CTNNA2: variants seen among roughly 807,000 people sequenced by gnomAD.
The protein encoded by CTNNA2 is catenin alpha-2.
Under a neutral mutation model 101.0 loss-of-function variants are expected in CTNNA2, and 42 were observed. The observed-to-expected ratio is 0.42, with a 90% CI of 0.32 to 0.54. The LOEUF is 0.54. CTNNA2 is among the 20% of genes least tolerant of loss of function. CTNNA2 has a pLI of 0.14. For missense variants in CTNNA2, 871 were observed against 1,223.1 expected (o/e 0.71, Z 4.29); for synonymous variants, 450 against 456.4 (o/e 0.99, Z 0.18).
chr2:80,284,520 G>A (rs1402390532), intron 7 of CTNNA2, among the ~76,000 whole-genome samples: 1 of 152,056 alleles, frequency 6.6e-6, no homozygotes, highest in Non-Finnish European at 1.5e-5. Context: ...TTAATGAAGA[G>A]CATTGAATGT....
At chr2:79,529,718 T>C (rs2103924171) in intron 1 of CTNNA2, among the ~76,000 whole-genome samples, 1 of 150,310 alleles carries the variant, frequency 6.7e-6, no homozygotes. Context: ...AAGAAATATG[T>C]TACTCCTACT....
At chr2:80,377,411 T>G (rs760938585) in intron 7 of CTNNA2, among the ~76,000 whole-genome samples, 10 of 152,220 alleles carry the variant, frequency 6.6e-5, no homozygotes, top group Non-Finnish European at 1.3e-4. Context: ...TTTCTTATTT[T>G]TACCATAATC....
chr2:79,268,401 T>C (rs975407000), intron 2 of CTNNA2, among the ~76,000 whole-genome samples: 1 of 152,120 alleles, frequency 6.6e-6, no homozygotes, highest in African/African-American at 2.4e-5. Flanking sequence ...TGCCTCTACC[T>C]GCATACCTCA....
intron 4 of CTNNA2, among the ~76,000 whole-genome samples, chr2:79,495,663 A>T (rs1671249078): frequency 6.6e-6 from 1 of 152,234 alleles, no homozygotes; most frequent in Non-Finnish European, 1.5e-5. Flanking sequence ...AGGTGTTCAC[A>T]GCAGCATTAT....
chr2:79,330,291 T>C (rs1449956371), intron 3 of CTNNA2, among the ~76,000 whole-genome samples: 1 of 152,134 alleles, frequency 6.6e-6, no homozygotes, highest in East Asian at 1.9e-4. Flanking sequence ...GAACTAGGGC[T>C]ACAGAAAGTG....
intron 7 of CTNNA2, among the ~76,000 whole-genome samples, chr2:80,069,076 G>T (rs1698162065): frequency 6.6e-6 from 1 of 152,132 alleles, no homozygotes; most frequent in Admixed American, 6.6e-5. Context: ...GAACACAGGG[G>T]AAGCCTAAGG....
At chr2:80,387,186 G>C (rs1677093898) in intron 7 of CTNNA2, among the ~76,000 whole-genome samples, 1 of 152,166 alleles carries the variant, frequency 6.6e-6, no homozygotes, top group Non-Finnish European at 1.5e-5. Flanking sequence ...CTACTCGGGA[G>C]GCTGAGGCAG....
At chr2:79,365,329 T>C (rs143018138) in intron 3 of CTNNA2, among the ~76,000 whole-genome samples, 579 of 151,622 alleles carry the variant, frequency 3.8e-3, no homozygotes, top group African/African-American at 0.013. Context: ...ATTCAGAAAG[T>C]GACAAGATAA....
intron 7 of CTNNA2, among the ~76,000 whole-genome samples, chr2:80,141,195 G>A (rs1702986196): frequency 6.6e-6 from 1 of 152,038 alleles, no homozygotes; most frequent in African/African-American, 2.4e-5. Flanking sequence ...GTCACTCAGG[G>A]ATGGCTGTCT....
chr2:80,434,771 A>T (rs1355888676), intron 9 of CTNNA2, among the ~76,000 whole-genome samples: 2 of 151,892 alleles, frequency 1.3e-5, no homozygotes, highest in Admixed American at 6.6e-5. Context: ...TAAGCAGGAG[A>T]TCACTAGGCA....
chr2:79,674,638 C>G (rs1197269223), intron 2 of CTNNA2, among the ~76,000 whole-genome samples: 3 of 151,988 alleles, frequency 2.0e-5, no homozygotes, highest in Non-Finnish European at 4.4e-5. Flanking sequence ...ATCTAGTTCT[C>G]TAGTATGTAG....
intron 7 of CTNNA2, among the ~76,000 whole-genome samples, chr2:80,333,603 G>A (rs1033219751): frequency 1.2e-4 from 18 of 152,148 alleles, no homozygotes; most frequent in South Asian, 2.1e-4. Context: ...AGACCAGAAA[G>A]CCAGCCACCA....
chr2:80,062,956 C>T (rs368211107), intron 7 of CTNNA2, among the ~76,000 whole-genome samples: 1 of 152,162 alleles, frequency 6.6e-6, no homozygotes, highest in Non-Finnish European at 1.5e-5. Flanking sequence ...CCACCTGCCT[C>T]GGCCTCCCAA....
At chr2:79,877,453 T>C (rs1485258886) in intron 6 of CTNNA2, among the ~76,000 whole-genome samples, 1 of 152,218 alleles carries the variant, frequency 6.6e-6, no homozygotes, top group East Asian at 1.9e-4. Context: ...ACTTGAAATT[T>C]TCTCATTAAA....
At chr2:79,244,028 C>T (rs540731542) in intron 2 of CTNNA2, among the ~76,000 whole-genome samples, 1 of 152,262 alleles carries the variant, frequency 6.6e-6, no homozygotes, top group Admixed American at 6.5e-5. Flanking sequence ...CCCTCTGAGG[C>T]ACTAATTTCA....
intron 6 of CTNNA2, among the ~76,000 whole-genome samples, chr2:79,877,329 C>T (rs1419803922): frequency 6.6e-6 from 1 of 152,006 alleles, no homozygotes; most frequent in African/African-American, 2.4e-5. Context: ...AGCACTTTCT[C>T]AAAAGTAGTA....
chr2:80,053,189 G>A (rs560853327), intron 7 of CTNNA2, among the ~76,000 whole-genome samples: 4 of 152,186 alleles, frequency 2.6e-5, no homozygotes, highest in Admixed American at 6.5e-5. Context: ...TATTCATCAC[G>A]TACACTTATT....
chr2:79,988,577 C>A (rs920991397), intron 7 of CTNNA2, among the ~76,000 whole-genome samples: 2 of 151,918 alleles, frequency 1.3e-5, no homozygotes, highest in Non-Finnish European at 2.9e-5. Context: ...TTTTATTTAA[C>A]CTCAAGTAAT....
chr2:79,606,331 A>G (rs1677887024), intron 1 of CTNNA2, among the ~76,000 whole-genome samples: 1 of 152,124 alleles, frequency 6.6e-6, no homozygotes, highest in Non-Finnish European at 1.5e-5. Context: ...GAAGTGGCGC[A>G]ATCTCGGCTC....
Sources: gnomAD v4.1 joint callset for allele counts (sites outside exome capture counted in the v4.1 genomes callset) on GRCh38, gnomAD v4.1.1 for gene constraint, MANE v1.5 for transcripts, NCBI Gene and HGNC (gene_info 2026-07-23, HGNC 2026-07-21) for gene names.